The following DPF3 variants were observed in gnomAD, a reference collection of about 807,000 sequenced individuals.
DPF3 encodes the protein double PHD fingers 3, also known as zinc finger protein DPF3.
A neutral mutation model predicts 56.8 loss-of-function variants in DPF3; 18 were observed. The ratio of observed to expected loss-of-function variants is 0.32; its 90% CI spans 0.22 to 0.47. The LOEUF (loss-of-function observed/expected upper bound fraction) is 0.47, where lower values mean the gene tolerates loss of function less well. Among genes scored for constraint, DPF3 ranks in the 20% least tolerant of loss-of-function variants. DPF3 has a pLI of 1.00. For missense variants in DPF3, 403 were observed against 488.8 expected (o/e 0.82, Z 1.65); for synonymous variants, 188 against 180.2 (o/e 1.04, Z -0.35).
intron 6 of DPF3, among the ~76,000 whole-genome samples, chr14:72,698,499 T>A (rs763307332): frequency 6.6e-6 from 1 of 152,028 alleles, no homozygotes; most frequent in Non-Finnish European, 1.5e-5. Context: ...GGCAACATGG[T>A]CTCTACAAAA....
At chr14:72,787,158 A>T (rs141794937) in intron 1 of DPF3, among the ~76,000 whole-genome samples, 1 of 152,288 alleles carries the variant, frequency 6.6e-6, no homozygotes, top group African/African-American at 2.4e-5. Context: ...TCCTCTCCCT[A>T]CTGGGCCTCC....
At chr14:72,634,038 G>A (rs539731883) in intron 8 of DPF3, among the ~76,000 whole-genome samples, 214 of 152,236 alleles carry the variant, frequency 1.4e-3, no homozygotes, top group African/African-American at 4.8e-3. Flanking sequence ...CTTCAAACCC[G>A]AAGCAAGGGA....
intron 6 of DPF3, among the ~76,000 whole-genome samples, chr14:72,711,411 G>A (rs559363825): frequency 1.3e-5 from 2 of 152,238 alleles, no homozygotes; most frequent in East Asian, 1.9e-4. Flanking sequence ...ATAATCAAAC[G>A]CATAAGTAGA....
intron 1 of DPF3, among the ~76,000 whole-genome samples, chr14:72,818,115 C>T (rs1883367931): frequency 6.6e-6 from 1 of 151,992 alleles, no homozygotes; most frequent in South Asian, 2.1e-4. Flanking sequence ...GTGGTACACA[C>T]ATGTAATCCC....
At chr14:72,647,641 C>T (rs965477304) in intron 8 of DPF3, among the ~76,000 whole-genome samples, 2 of 152,202 alleles carry the variant, frequency 1.3e-5, no homozygotes, top group Admixed American at 6.5e-5. Context: ...ATTTAAGACA[C>T]GGTTTCCATT....
At chr14:72,621,516 C>G (rs903759760) in intron 9 of DPF3, among the ~76,000 whole-genome samples, 3 of 152,118 alleles carry the variant, frequency 2.0e-5, no homozygotes, top group African/African-American at 7.2e-5. Flanking sequence ...GCAATGAGGG[C>G]TTTTTTTGTC....
At chr14:72,764,313 G>A (rs1891174883) in intron 2 of DPF3, among the ~76,000 whole-genome samples, 1 of 152,028 alleles carries the variant, frequency 6.6e-6, no homozygotes, top group Non-Finnish European at 1.5e-5. Context: ...AGATCTTTGG[G>A]TTGATGAACA....
At chr14:72,677,658 G>C (rs1000051360) in intron 7 of DPF3, among the ~76,000 whole-genome samples, 2 of 152,144 alleles carry the variant, frequency 1.3e-5, no homozygotes, top group African/African-American at 4.8e-5. Flanking sequence ...GATGTTAGTG[G>C]GTGGCACAGT....
intron 7 of DPF3, among the ~76,000 whole-genome samples, chr14:72,675,973 T>C (rs1886890517): frequency 1.3e-5 from 2 of 152,222 alleles, no homozygotes; most frequent in Admixed American, 6.5e-5. Flanking sequence ...CCTATAAATT[T>C]TCATTGCCCA....
intron 8 of DPF3, among the ~76,000 whole-genome samples, chr14:72,653,268 G>A (rs1404096492): frequency 6.6e-6 from 1 of 152,184 alleles, no homozygotes; most frequent in Non-Finnish European, 1.5e-5. Context: ...TACATTGAGA[G>A]TGCACTGGTG....
intron 8 of DPF3, among the ~76,000 whole-genome samples, chr14:72,644,137 C>A (rs1442234563): frequency 6.6e-6 from 1 of 152,184 alleles, no homozygotes; most frequent in Non-Finnish European, 1.5e-5. Flanking sequence ...TCCTTCAACA[C>A]CCTCAAAAAG....
At chr14:72,879,730 C>A in intron 1 of DPF3, 1 of 1,455,938 alleles carries the variant, frequency 6.9e-7, no homozygotes, top group South Asian at 1.4e-5. Flanking sequence ...CAAGAGTCGT[C>A]TCTCTGGGCA....
At chr14:72,806,574 A>G (rs912250143) in intron 1 of DPF3, among the ~76,000 whole-genome samples, 5 of 152,124 alleles carry the variant, frequency 3.3e-5, no homozygotes, top group Admixed American at 3.3e-4. Context: ...TTTGCAAAAC[A>G]CTTTATATCG....
chr14:72,814,810 C>CAA (rs758541296), intron 1 of DPF3, among the ~76,000 whole-genome samples: 6 of 103,190 alleles, frequency 5.8e-5, no homozygotes, highest in Non-Finnish European at 4.2e-5. Context: ...ACTCCGTCTC[C>CAA]AAAAAAAAAA....
intron 9 of DPF3, among the ~76,000 whole-genome samples, chr14:72,622,556 G>A (rs1439088017): frequency 6.6e-6 from 1 of 151,926 alleles, no homozygotes; most frequent in Non-Finnish European, 1.5e-5. Context: ...ATACAAATAG[G>A]TAGAATATCC....
chr14:72,762,245 T>C (rs2139923105), intron 2 of DPF3, among the ~76,000 whole-genome samples: 1 of 151,900 alleles, frequency 6.6e-6, no homozygotes, highest in East Asian at 1.9e-4. Flanking sequence ...ACAAGAAAAC[T>C]ATAGACTAAT....
intron 5 of DPF3, among the ~76,000 whole-genome samples, chr14:72,718,354 C>T (rs35697246): frequency 0.28 from 42,970 of 152,110 alleles, 6,833 homozygotes; most frequent in East Asian, 0.46. Flanking sequence ...ACCAGTTGTT[C>T]TCAAACAGTG....
intron 1 of DPF3, chr14:72,836,527 A>T (rs934454508): frequency 2.0e-6 from 2 of 984,986 alleles, no homozygotes; most frequent in African/African-American, 1.7e-5. Flanking sequence ...TGGGGAGATT[A>T]TGATTGCCCT....
chr14:72,892,631 CA>C (rs2140139071), intron 1 of DPF3: 2 of 1,155,382 alleles, frequency 1.7e-6, no homozygotes, highest in East Asian at 4.7e-5. Flanking sequence ...CAGGAGTGGC[CA>C]GGGGTGAAGA....
Sources: allele counts gnomAD v4.1 joint callset (sites outside exome capture counted in the v4.1 genomes callset), GRCh38; gene constraint gnomAD v4.1.1; transcripts MANE v1.5; gene names NCBI Gene and HGNC (gene_info 2026-07-23, HGNC 2026-07-21).